Variants in TRAPPC12 observed in about 807,000 individuals in gnomAD.
TRAPPC12 encodes the protein trafficking protein particle complex subunit 12.
In TRAPPC12, 61 loss-of-function variants were observed where a neutral mutation model predicts 69.2. That is an observed-to-expected ratio of 0.88 (90% CI 0.72 to 1.09). TRAPPC12 has a LOEUF of 1.09. Ranked by LOEUF, TRAPPC12 falls within the 50% of genes least tolerant of loss-of-function variation. The pLI is 0.00. For synonymous variants in TRAPPC12, 469 were observed against 438.9 expected (o/e 1.07, Z -0.86); for missense variants, 1,101 against 1,016.4 (o/e 1.08, Z -1.13).
intron 6 of TRAPPC12, among the ~76,000 whole-genome samples, chr2:3,454,306 G>C (rs1358894212): frequency 8.7e-4 from 100 of 115,574 alleles, no homozygotes; most frequent in East Asian, 1.8e-3. Context: ...GTGTCTCCAT[G>C]TCCTACCCCT....
chr2:3,423,493 CT>C (rs1333217135), intron 4 of TRAPPC12, among the ~76,000 whole-genome samples: 5 of 152,082 alleles, frequency 3.3e-5, no homozygotes, highest in Non-Finnish European at 7.4e-5. Flanking sequence ...CAAACCTCCC[CT>C]GCCCGGCCCT....
At chr2:3,476,204 C>G (rs1320010812) in intron 9 of TRAPPC12, among the ~76,000 whole-genome samples, 2 of 152,146 alleles carry the variant, frequency 1.3e-5, no homozygotes, top group African/African-American at 2.4e-5. Flanking sequence ...TATGGTATTT[C>G]TTTTGTGGGA....
intron 5 of TRAPPC12, among the ~76,000 whole-genome samples, chr2:3,438,865 A>G (rs1337919146): frequency 1.3e-5 from 2 of 152,078 alleles, no homozygotes; most frequent in African/African-American, 2.4e-5. Context: ...CTGGTTTTTG[A>G]CAATTATGAA....
In TRAPPC12 at chr2:3,387,937, C is replaced by G. The variant is rs781758601; in HGVS notation, c.314C>G (p.Ala105Gly). ...GGEGDPGPEP[A>G]GTPSPSGEAD... ...GAAGGCGACCCAGGCCCGGAGCCCGCGGGCACCCCGAGTCCCAGCGGCGAG... is the reference window on the plus strand; with the variant it reads ...GAAGGCGACCCAGGCCCGGAGCCCGGGGGCACCCCGAGTCCCAGCGGCGAG... Residue 105 changes from alanine (A) to glycine (G), a missense_variant, in exon 2 of 12, where the codon GCG becomes GGG. By Grantham distance (60) the Ala-to-Gly change is moderately conservative. Transcript: ENST00000324266. The G allele has an allele frequency of 1.0e-5, 15 of 1,502,118 alleles. No individual in the cohort carries two copies. In the East Asian group the frequency reaches 3.9e-4, roughly 39 times the overall value. 93.0% of individuals were successfully genotyped at this position (1,502,118 alleles called of 1,614,324 possible). A position where few individuals can be genotyped will look rare whatever the true frequency, so the allele number is the denominator to read the frequency against.
intron 5 of TRAPPC12, among the ~76,000 whole-genome samples, chr2:3,431,029 T>A (rs1160263630): frequency 6.6e-6 from 1 of 152,122 alleles, no homozygotes; most frequent in African/African-American, 2.4e-5. Context: ...CTCTGGGAGA[T>A]GCGGTGTTGG....
chr2:3,398,328 TGTG>T (rs1420312271), intron 2 of TRAPPC12, among the ~76,000 whole-genome samples: 2 of 152,194 alleles, frequency 1.3e-5, no homozygotes, highest in African/African-American at 4.8e-5. Flanking sequence ...CCACCAATGA[TGTG>T]GTGTGTGAGG....
intron 1 of TRAPPC12, among the ~76,000 whole-genome samples, chr2:3,381,383 C>T (rs1233021758): frequency 6.6e-6 from 1 of 152,110 alleles, no homozygotes; most frequent in Non-Finnish European, 1.5e-5. Flanking sequence ...TTGTTAGGAA[C>T]TTTTTATTTC....
chr2:3,429,993 T>C (rs192671562), intron 5 of TRAPPC12, among the ~76,000 whole-genome samples: 1 of 152,366 alleles, frequency 6.6e-6, no homozygotes, highest in Admixed American at 6.5e-5. Context: ...TTCCAGGTCA[T>C]GTTTTTACAT....
intron 3 of TRAPPC12, among the ~76,000 whole-genome samples, chr2:3,405,173 T>G (rs1235569600): frequency 1.4e-5 from 2 of 145,278 alleles, no homozygotes; most frequent in African/African-American, 5.1e-5. Context: ...GAGATGTCTT[T>G]TTTTGGGGGG....
intron 1 of TRAPPC12, 22 bp from the exon 2 acceptor site, chr2:3,387,588 CTCAGGGGCCT>C (rs1212785297): frequency 1.4e-6 from 2 of 1,477,292 alleles, no homozygotes; most frequent in East Asian, 5.1e-5. Context: ...GAAGATCACG[CTCAGGGGCCT>C]TCTCTCTGTC....
intron 3 of TRAPPC12, among the ~76,000 whole-genome samples, chr2:3,408,191 C>A (rs1661835658): frequency 6.6e-6 from 1 of 152,192 alleles, no homozygotes; most frequent in Non-Finnish European, 1.5e-5. Context: ...GTCTACCGTG[C>A]CTCCAGTTGG....
chr2:3,479,357 G>T lies in TRAPPC12; in HGVS notation c.2104G>T (p.Glu702Ter), dbSNP rs1200289188. 1.2e-6 allele frequency: 2 copies of T among 1,614,198 alleles called. No individual in the cohort carries two copies. Among genetic ancestry groups the T allele is most frequent in the Non-Finnish European group, 8.5e-7 (1 of 1,180,040 alleles). ...SVLFNLTTMY[E>*]LESSRSMQKK... The stretch of plus-strand genomic sequence containing the variant: ...GCTCTTCAACCTGACCACCATGTAC[G>T]AGCTGGAGTCCTCACGGAGCATGCA... The change falls in exon 12 of 12, where the codon GAG becomes TAG. Residue 702 changes from glutamate (E) to a stop codon, truncating the protein, a stop_gained. Transcript: ENST00000324266. LOFTEE classifies it high-confidence loss of function.
At chr2:3,429,642 A>G (rs961347462) in intron 5 of TRAPPC12, among the ~76,000 whole-genome samples, 3 of 152,134 alleles carry the variant, frequency 2.0e-5, no homozygotes, top group Admixed American at 6.5e-5. Flanking sequence ...TGATTTTTCT[A>G]TGTTGCCCAC....
At chr2:3,432,260 C>T (rs947398125) in intron 5 of TRAPPC12, among the ~76,000 whole-genome samples, 2 of 152,210 alleles carry the variant, frequency 1.3e-5, no homozygotes, top group African/African-American at 4.8e-5. Flanking sequence ...TTAATCCGTG[C>T]GGATTACCAT....
In TRAPPC12 at chr2:3,463,734, C is replaced by T. The variant is rs144646657; in HGVS notation, c.1678-1863C>T. Among the ~76,000 whole-genome samples, 918 of 151,930 alleles carry T rather than the reference C, an allele frequency of 6.0e-3. 6 individuals carry two copies. Among genetic ancestry groups the T allele is most frequent in the Non-Finnish European group, 6.8e-3 (462 of 67,956 alleles). ...CCGCCTCAGCCTGGAGCATCAGTGG[C>T]GTGAGTGGGGCACTGGAATGACCCA... On this transcript the variant is annotated intron_variant, in intron 8 of 11. Transcript: ENST00000324266.
At chr2:3,441,134 A>G (rs1437305308) in intron 5 of TRAPPC12, among the ~76,000 whole-genome samples, 1 of 152,102 alleles carries the variant, frequency 6.6e-6, no homozygotes, top group Non-Finnish European at 1.5e-5. Flanking sequence ...CATGAGACAT[A>G]TTGGTCTACA....
In TRAPPC12 at chr2:3,478,901, G is replaced by C; in HGVS notation, c.1933G>C (p.Glu645Gln). 6.2e-7 allele frequency: 1 copy of C among 1,614,156 alleles called. No individual in the cohort carries two copies. The highest frequency in any genetic ancestry group is 8.5e-7 in the Non-Finnish European group (1 of 1,180,046). The change falls in exon 11 of 12, where the codon GAG (glutamate) becomes CAG (glutamine). Residue 645 changes from glutamate to glutamine, a missense_variant. Coordinates refer to ENST00000324266, the MANE Select transcript of TRAPPC12 (RefSeq NM_016030.6). ...TGCAGAAGCCCACAGGTTCTTCACA[G>C]AGATCTTAAGGATGGATCCAAGAAA... ...NFAEAHRFFT[E>Q]ILRMDPRNAV...
chr2:3,466,135 A>AC, intron 9 of TRAPPC12: 1 of 408,688 alleles, frequency 2.4e-6, no homozygotes, highest in Non-Finnish European at 5.2e-6. Flanking sequence ...GCTCGGCAGG[A>AC]CCCCCTTTGC....
intron 9 of TRAPPC12, among the ~76,000 whole-genome samples, chr2:3,476,026 T>C (rs994485950): frequency 6.6e-6 from 1 of 152,230 alleles, no homozygotes; most frequent in Non-Finnish European, 1.5e-5. Context: ...GAGCCCATGC[T>C]GCCTTCGGTT....
Sources: allele counts gnomAD v4.1 joint callset (sites outside exome capture counted in the v4.1 genomes callset), GRCh38; gene constraint gnomAD v4.1.1; transcripts MANE v1.5; gene names NCBI Gene and HGNC (gene_info 2026-07-23, HGNC 2026-07-21).